Variants in PACRG observed in about 807,000 individuals in gnomAD.
The protein encoded by PACRG is parkin coregulated gene protein.
A neutral mutation model predicts 29.7 loss-of-function variants in PACRG; 29 were observed. The observed-to-expected ratio is 0.98, with a 90% CI of 0.73 to 1.33. The LOEUF (loss-of-function observed/expected upper bound fraction) is 1.33. Among genes scored for constraint, PACRG ranks in the 40% most tolerant of loss-of-function variants. The probability of loss-of-function intolerance (pLI) is 0.00; values close to 1 mark genes in which losing one functional copy is unlikely to be tolerated. For missense variants in PACRG, 279 were observed against 316.2 expected (o/e 0.88, Z 0.89); for synonymous variants, 116 against 118.7 (o/e 0.98, Z 0.15).
intron 2 of PACRG, among the ~76,000 whole-genome samples, chr6:162,979,882 C>T (rs949216874): frequency 1.3e-5 from 2 of 151,888 alleles, no homozygotes; most frequent in African/African-American, 4.8e-5. Context: ...AATAAATTCA[C>T]AGGTATTAAA....
intron 4 of PACRG, among the ~76,000 whole-genome samples, chr6:163,240,747 T>C (rs1040913109): frequency 1.3e-5 from 2 of 152,238 alleles, no homozygotes; most frequent in African/African-American, 2.4e-5. Flanking sequence ...TGTGCCGTCC[T>C]CACCCTCGGG....
intron 2 of PACRG, among the ~76,000 whole-genome samples, chr6:163,000,519 T>G (rs1203782914): frequency 1.3e-5 from 2 of 152,152 alleles, no homozygotes; most frequent in Non-Finnish European, 2.9e-5. Context: ...AGCATCATGT[T>G]GGGAGCCTTT....
Position 162,747,325 on chromosome 6 carries a change from CATATATATATATATATATATAT to C in PACRG, c.156+18952_156+18973del, listed in dbSNP as rs1190146053. On this transcript the variant is annotated intron_variant, in intron 1 of 4. Transcript: ENST00000366888. Reference sequence around the variant, plus strand: ...GGAACTCAGACTGGCTCTCCTTGCTCATATATATATATATATATATATATATATATATATATATACACATACA... The same window carrying C: ...GGAACTCAGACTGGCTCTCCTTGCTCATATATATATATATATACACATACA... 6.0e-5 allele frequency among the ~76,000 whole-genome samples: 2 copies of C among 33,230 alleles called. 1 individual carries two copies. The highest frequency in any genetic ancestry group is 1.1e-4 in the Non-Finnish European group (2 of 17,472). 21.8% of individuals were successfully genotyped at this position (33,230 alleles called of 152,430 possible).
At chr6:162,821,400 A>C (rs1039201232) in intron 2 of PACRG, among the ~76,000 whole-genome samples, 1 of 152,234 alleles carries the variant, frequency 6.6e-6, no homozygotes, top group Non-Finnish European at 1.5e-5. Context: ...TTGGCTAAAG[A>C]CAATTCACAT....
At chr6:163,277,685 CTATATCTA>C (rs1172660870) in intron 4 of PACRG, among the ~76,000 whole-genome samples, 1 of 146,566 alleles carries the variant, frequency 6.8e-6, no homozygotes, top group Non-Finnish European at 1.5e-5. Context: ...GTATCTATAT[CTATATCTA>C]TATATATAGA....
Position 163,314,842 on chromosome 6 carries a change from G to A in PACRG, c.629G>A (p.Gly210Asp). 3 of 1,613,948 alleles carry A rather than the reference G, an allele frequency of 1.9e-6. No homozygotes were observed. The highest frequency in any genetic ancestry group is 2.5e-6 in the Non-Finnish European group (3 of 1,179,960). ...FKNMNVNSGDGIDYSQQKREN... is the reference protein window; with the variant it reads ...FKNMNVNSGDDIDYSQQKREN... ...CATGCACCAGTGAACTCCGGAGACG[G>A]CATTGACTACAGCCAGCAGAAGAGG... Residue 210 changes from glycine to aspartate, a missense_variant, in exon 5 of 5, where the codon GGC becomes GAC. Physicochemically the swap from Gly to Asp is moderately conservative, Grantham distance 94. Coordinates refer to ENST00000366888, the MANE Select transcript of PACRG (RefSeq NM_001080379.2).
At chr6:162,841,727 G>A (rs1726031871) in intron 2 of PACRG, among the ~76,000 whole-genome samples, 1 of 149,486 alleles carries the variant, frequency 6.7e-6, no homozygotes, top group Non-Finnish European at 1.5e-5. Flanking sequence ...TCTCTTGTGG[G>A]CATTTAGTGC....
intron 3 of PACRG, among the ~76,000 whole-genome samples, chr6:163,063,287 A>C (rs921375568): frequency 1.3e-5 from 2 of 152,098 alleles, no homozygotes; most frequent in Admixed American, 1.3e-4. Flanking sequence ...ATCCAGGCCC[A>C]ACTGCCCATG....
At chr6:162,951,688 A>T (rs952611084) in intron 2 of PACRG, among the ~76,000 whole-genome samples, 1 of 152,224 alleles carries the variant, frequency 6.6e-6, no homozygotes, top group Non-Finnish European at 1.5e-5. Context: ...AGCTGGGGGC[A>T]TACTTTAACG....
At chr6:163,021,513 G>C (rs1248794762) in intron 2 of PACRG, among the ~76,000 whole-genome samples, 2 of 152,134 alleles carry the variant, frequency 1.3e-5, no homozygotes, top group Non-Finnish European at 2.9e-5. Context: ...GGAGATGTTT[G>C]TCTCGCTCCA....
intron 4 of PACRG, among the ~76,000 whole-genome samples, chr6:163,244,696 C>T (rs2128169714): frequency 1.3e-5 from 2 of 152,306 alleles, no homozygotes; most frequent in Middle Eastern, 3.4e-3. Flanking sequence ...ATACGTCTGT[C>T]CTCCGAAGGC....
intron 4 of PACRG, among the ~76,000 whole-genome samples, chr6:163,309,409 A>G (rs548361397): frequency 2.8e-4 from 42 of 152,372 alleles, no homozygotes; most frequent in African/African-American, 1.0e-3. Context: ...TTCTATCAGT[A>G]TAATCGTCAT....
intron 1 of PACRG, among the ~76,000 whole-genome samples, chr6:162,795,825 C>T (rs900389702): frequency 8.5e-5 from 13 of 152,084 alleles, no homozygotes; most frequent in African/African-American, 3.1e-4. Context: ...ACATTTTTCC[C>T]ATGTACTTTA....
chr6:163,213,241 G>A (rs1213975686), intron 4 of PACRG, among the ~76,000 whole-genome samples: 1 of 151,680 alleles, frequency 6.6e-6, no homozygotes, highest in Admixed American at 6.6e-5. Context: ...ATTGAGGGAT[G>A]TTCAATTTTT....
intron 1 of PACRG, among the ~76,000 whole-genome samples, chr6:162,808,897 C>T (rs1195029591): frequency 5.9e-5 from 9 of 151,932 alleles, no homozygotes; most frequent in Admixed American, 3.3e-4. Context: ...ATGGAACTTA[C>T]CTAAGGATTT....
rs547447872 is a variant in PACRG at position 162,728,098 on chromosome 6, A to C, written c.-138A>C. 86 of 1,057,970 alleles carry C rather than the reference A, an allele frequency of 8.1e-5. No individual in the cohort carries two copies. The African/African-American group carries it at 1.2e-3, about 14-fold the overall frequency. 65.5% of individuals were successfully genotyped at this position (1,057,970 alleles called of 1,614,324 possible). On this transcript the variant is annotated 5_prime_UTR_variant, in exon 1 of 5. Transcript: ENST00000366888. ...TAGGAGCTGCCAAACATCTGGATCA[A>C]CCTGGGCACTACGAGGGGTTGAATT...
At chr6:162,747,423 A>AAT (rs1252358718) in intron 1 of PACRG, among the ~76,000 whole-genome samples, 1 of 94,664 alleles carries the variant, frequency 1.1e-5, no homozygotes, top group East Asian at 3.6e-4. Context: ...TATAACTATA[A>AAT]ATATATATGT....
At chr6:163,154,605 C>T (rs1389948813) in intron 4 of PACRG, among the ~76,000 whole-genome samples, 1 of 152,164 alleles carries the variant, frequency 6.6e-6, no homozygotes, top group Non-Finnish European at 1.5e-5. Context: ...TGCTCATGTG[C>T]TATGTAGGAC....
chr6:162,817,041 A>G (rs909131026), intron 2 of PACRG, among the ~76,000 whole-genome samples: 2 of 152,170 alleles, frequency 1.3e-5, no homozygotes, highest in African/African-American at 4.8e-5. Flanking sequence ...ACTTGTGAGC[A>G]CCTGAAATGA....
Sources: gnomAD v4.1 joint callset for allele counts (sites outside exome capture counted in the v4.1 genomes callset) on GRCh38, gnomAD v4.1.1 for gene constraint, MANE v1.5 for transcripts, NCBI Gene and HGNC (gene_info 2026-07-23, HGNC 2026-07-21) for gene names.